The following UGT8 variants were observed in gnomAD, a reference collection of about 807,000 sequenced individuals.
The protein encoded by UGT8 is UDP glycosyltransferase 8.
A neutral mutation model predicts 40.5 loss-of-function variants in UGT8; 12 were observed. The ratio of observed to expected loss-of-function variants is 0.30; its 90% CI spans 0.19 to 0.48. The LOEUF (loss-of-function observed/expected upper bound fraction) is 0.48. Ranked by LOEUF, UGT8 falls within the 20% of genes least tolerant of loss-of-function variation. UGT8 has a pLI of 0.99. For synonymous variants in UGT8, 224 were observed against 240.4 expected (o/e 0.93, Z 0.63); for missense variants, 513 against 648.7 (o/e 0.79, Z 2.27).
intron 1 of UGT8, among the ~76,000 whole-genome samples, chr4:114,621,883 G>A (rs866900728): frequency 1.3e-5 from 2 of 152,172 alleles, no homozygotes; most frequent in African/African-American, 4.8e-5. Flanking sequence ...GAGGTAATTA[G>A]AACAAATATC....
chr4:114,626,333 C>T (rs1477563256), intron 2 of UGT8, among the ~76,000 whole-genome samples: 2 of 152,078 alleles, frequency 1.3e-5, no homozygotes, highest in African/African-American at 4.8e-5. Flanking sequence ...CAGGAAGGCC[C>T]AGAAAGTAGC....
At chr4:114,619,884 G>A (rs1471843525) in intron 1 of UGT8, among the ~76,000 whole-genome samples, 1 of 151,638 alleles carries the variant, frequency 6.6e-6, no homozygotes, top group African/African-American at 2.4e-5. Context: ...CATTTGATAT[G>A]TCTGCATATT....
intron 2 of UGT8, among the ~76,000 whole-genome samples, chr4:114,655,534 G>T (rs891515234): frequency 1.3e-5 from 2 of 151,804 alleles, no homozygotes; most frequent in African/African-American, 4.8e-5. Flanking sequence ...TTTTTCTTTT[G>T]TAATATAACA....
intron 2 of UGT8, among the ~76,000 whole-genome samples, chr4:114,658,656 T>A (rs1478122056): frequency 6.6e-6 from 1 of 152,184 alleles, no homozygotes; most frequent in Non-Finnish European, 1.5e-5. Flanking sequence ...TTTAAGAAGC[T>A]ACTTACAATT....
intron 2 of UGT8, among the ~76,000 whole-genome samples, chr4:114,663,523 G>A (rs1734677225): frequency 6.6e-6 from 1 of 151,882 alleles, no homozygotes; most frequent in Non-Finnish European, 1.5e-5. Flanking sequence ...ATGAAGTAAG[G>A]ATGGTATTTC....
At position 114,665,934 on chromosome 4, in the gene UGT8, A is replaced by C. The variant is rs532541760; in HGVS notation, c.1042+178A>C. Among the ~76,000 whole-genome samples the C allele has an allele frequency of 7.2e-5, 11 of 152,024 alleles. No individual in the cohort carries two copies. In the South Asian group the frequency reaches 2.3e-3, roughly 32 times the overall value. ...ATCTTAAATTTGAGGCCAAAATTTT[A>C]AGTCTTTATTTATTGGAAAACAGTT... is the stretch of plus-strand genomic sequence containing the variant. On this transcript the variant is annotated intron_variant, in intron 4 of 5. Coordinates refer to ENST00000310836, the MANE Select transcript of UGT8 (RefSeq NM_001128174.3).
intron 2 of UGT8, among the ~76,000 whole-genome samples, chr4:114,634,773 T>C (rs553257760): frequency 6.6e-6 from 1 of 152,336 alleles, no homozygotes; most frequent in South Asian, 2.1e-4. Flanking sequence ...TTACCTTTTT[T>C]TATCACTAAA....
At chr4:114,614,650 AT>A (rs1390077113) in intron 1 of UGT8, among the ~76,000 whole-genome samples, 1 of 133,130 alleles carries the variant, frequency 7.5e-6, no homozygotes, top group African/African-American at 2.6e-5. Flanking sequence ...TTTCAGTTTT[AT>A]TTCTGCAGTT....
At chr4:114,665,638 G>A in intron 3 of UGT8, 42 bp from the exon 4 acceptor site, 2 of 1,530,964 alleles carry the variant, frequency 1.3e-6, no homozygotes, top group Non-Finnish European at 1.8e-6. Flanking sequence ...CTATGAGTAA[G>A]GTTTGATTTT....
At chr4:114,655,159 T>G (rs1734104155) in intron 2 of UGT8, among the ~76,000 whole-genome samples, 1 of 151,984 alleles carries the variant, frequency 6.6e-6, no homozygotes, top group South Asian at 2.1e-4. Context: ...AAAAATCGAT[T>G]ATCTAGATTT....
intron 1 of UGT8, among the ~76,000 whole-genome samples, chr4:114,620,968 A>G (rs1289399125): frequency 3.3e-5 from 5 of 152,118 alleles, no homozygotes; most frequent in African/African-American, 1.2e-4. Context: ...GATTTTTGAA[A>G]TGTGTCCAGT....
intron 1 of UGT8, among the ~76,000 whole-genome samples, chr4:114,615,302 G>T (rs1298139297): frequency 6.6e-6 from 1 of 152,064 alleles, no homozygotes; most frequent in Non-Finnish European, 1.5e-5. Flanking sequence ...TAGAAAGCTG[G>T]TAATGCAGGG....
At chr4:114,666,739 C>CT (rs889925718) in intron 4 of UGT8, among the ~76,000 whole-genome samples, 3 of 151,082 alleles carry the variant, frequency 2.0e-5, no homozygotes, top group East Asian at 1.9e-4. Flanking sequence ...TTCTTTTTTT[C>CT]TTTTTTTTGA....
chr4:114,623,258 T>A lies in UGT8; in HGVS notation c.378T>A (p.Gly126=). Residue 126 remains glycine (G), a synonymous_variant, in exon 2 of 6, where the codon GGT becomes GGA. Coordinates refer to ENST00000310836, the MANE Select transcript of UGT8 (RefSeq NM_001128174.3). ...LMVGNHALIQ[G]LKKEKFDLLL... The stretch of plus-strand genomic sequence containing the variant: ...TTGGCAACCATGCCCTGATCCAGGG[T>A]CTGAAGAAAGAAAAATTTGACCTGC... The A allele has an allele frequency of 7.4e-6, 12 of 1,614,158 alleles. No homozygotes were observed. Among genetic ancestry groups the A allele is most frequent in the Non-Finnish European group, 1.0e-5 (12 of 1,180,020 alleles).
At chr4:114,618,765 T>C (rs1731589551) in intron 1 of UGT8, among the ~76,000 whole-genome samples, 1 of 152,226 alleles carries the variant, frequency 6.6e-6, no homozygotes, top group Non-Finnish European at 1.5e-5. Flanking sequence ...TAAAAACTTT[T>C]AACACTGTGC....
intron 2 of UGT8, among the ~76,000 whole-genome samples, chr4:114,639,200 T>C (rs954527370): frequency 6.6e-6 from 1 of 152,200 alleles, no homozygotes; most frequent in African/African-American, 2.4e-5. Context: ...AGAATAGCAG[T>C]CTCTGACTCT....
At chr4:114,665,155 G>A (rs1034804845) in intron 3 of UGT8, among the ~76,000 whole-genome samples, 1 of 152,136 alleles carries the variant, frequency 6.6e-6, no homozygotes, top group African/African-American at 2.4e-5. Flanking sequence ...TAAAGATCAG[G>A]CAGGAAACAA....
intron 2 of UGT8, among the ~76,000 whole-genome samples, chr4:114,651,862 A>C (rs577327406): frequency 1.6e-4 from 24 of 152,242 alleles, no homozygotes; most frequent in African/African-American, 5.8e-4. Flanking sequence ...AACTCTTATG[A>C]GTTGATGGAT....
chr4:114,661,138 A>G (rs138131069), intron 2 of UGT8, among the ~76,000 whole-genome samples: 84 of 152,194 alleles, frequency 5.5e-4, no homozygotes, highest in African/African-American at 2.0e-3. Context: ...GTAGGTCTTT[A>G]TGAATTTTGT....
Sources: gnomAD v4.1 joint callset for allele counts (sites outside exome capture counted in the v4.1 genomes callset) on GRCh38, gnomAD v4.1.1 for gene constraint, MANE v1.5 for transcripts, NCBI Gene and HGNC (gene_info 2026-07-23, HGNC 2026-07-21) for gene names.